The following TMEM38B variants were observed in gnomAD, a reference collection of about 807,000 sequenced individuals.
The protein encoded by TMEM38B is trimeric intracellular cation channel type B.
Under a neutral mutation model 28.7 loss-of-function variants are expected in TMEM38B, and 24 were observed. That is an observed-to-expected ratio of 0.84 (90% CI 0.61 to 1.18). The LOEUF (loss-of-function observed/expected upper bound fraction) is 1.18, where lower values mean the gene tolerates loss of function less well. Among genes scored for constraint, TMEM38B ranks in the 50% most tolerant of loss-of-function variants. The pLI, the probability that TMEM38B is intolerant of heterozygous loss-of-function variation, is 0.00. For synonymous variants in TMEM38B, 131 were observed against 127.7 expected (o/e 1.03, Z -0.17); for missense variants, 380 against 350.9 (o/e 1.08, Z -0.66).
At chr9:105,740,783 T>A (rs1360306716) in intron 4 of TMEM38B, among the ~76,000 whole-genome samples, 1 of 152,132 alleles carries the variant, frequency 6.6e-6, no homozygotes, top group East Asian at 1.9e-4. Context: ...GTGGAAAATT[T>A]GGGGAAATGT....
At chr9:105,765,775 T>C (rs7024278) in intron 5 of TMEM38B, among the ~76,000 whole-genome samples, 31,726 of 151,946 alleles carry the variant, frequency 0.21, 5,135 homozygotes, top group East Asian at 0.46. Flanking sequence ...CATATATGTC[T>C]GTACACAGAC....
In TMEM38B at chr9:105,694,565, CG is replaced by C. The variant is rs1352996412; in HGVS notation, c.-93del. 4.7e-6 allele frequency: 4 copies of C among 844,266 alleles called. No homozygotes were observed. The highest frequency in any genetic ancestry group is 7.2e-6 in the Non-Finnish European group (4 of 557,326). The allele number at this position is 844,266 out of a possible 1,614,324, so 52.3% of individuals were successfully genotyped here. On this transcript the variant is annotated 5_prime_UTR_variant, in exon 1 of 6. Transcript: ENST00000374692. ...CGGAGCTGGAGCCGGCGCGGAGGAG[CG>C]GGCGGCCGCGGCTGTGCCCTCTCCT...
chr9:105,747,704 G>A (rs941313224), intron 4 of TMEM38B, among the ~76,000 whole-genome samples: 4 of 151,778 alleles, frequency 2.6e-5, no homozygotes, highest in Non-Finnish European at 5.9e-5. Context: ...GCTTTCTCTT[G>A]TGGGCACCTA....
chr9:105,694,681 G>A lies in TMEM38B; in HGVS notation c.21G>A (p.Glu7=). 6.2e-7 allele frequency: 1 copy of A among 1,613,966 alleles called. No homozygotes were observed. Among genetic ancestry groups the A allele is most frequent in the Non-Finnish European group, 8.5e-7 (1 of 1,179,862 alleles). ...TCGTTATGGATTCTCCATGGGACGA[G>A]TTGGCTCTGGCCTTCTCCCGCACGT... MDSPWD[E]LALAFSRTSM... is the part of the protein sequence containing the mutation. Residue 7 remains glutamate (E), a synonymous_variant, in exon 1 of 6, where the codon GAG becomes GAA. Transcript: ENST00000374692.
chr9:105,740,440 T>C (rs1271929630), intron 4 of TMEM38B, among the ~76,000 whole-genome samples: 1 of 151,910 alleles, frequency 6.6e-6, no homozygotes, highest in Admixed American at 6.6e-5. Context: ...CTAATTTTTG[T>C]GTTTTTTGTA....
At chr9:105,770,094 A>G (rs780270049) in intron 5 of TMEM38B, among the ~76,000 whole-genome samples, 1 of 152,074 alleles carries the variant, frequency 6.6e-6, no homozygotes, top group Admixed American at 6.6e-5. Flanking sequence ...GGTGTAATGT[A>G]TACATTTTAT....
In TMEM38B at chr9:105,759,754, C is replaced by G. The variant is rs1327312892; in HGVS notation, c.660+11564C>G. On this transcript the variant is annotated intron_variant, in intron 5 of 5. Coordinates refer to ENST00000374692, the MANE Select transcript of TMEM38B (RefSeq NM_018112.3). ...AGAGGAAAATATTCAAAAGCCATTC[C>G]GTGCTGGTTTTAAGAGAACCACTAC... The G allele has an allele frequency of 1.9e-6, 3 of 1,607,292 alleles. No individual in the cohort carries two copies. The South Asian group carries it at 3.3e-5, about 18-fold the overall frequency.
At chr9:105,695,130 G>A (rs1312337595) in intron 1 of TMEM38B, among the ~76,000 whole-genome samples, 1 of 145,646 alleles carries the variant, frequency 6.9e-6, no homozygotes, top group Non-Finnish European at 1.5e-5. Flanking sequence ...CCAGCCCAGG[G>A]CTTGGGCGGC....
Position 105,694,648 on chromosome 9 carries a change from G to A in TMEM38B, c.-13G>A. On this transcript the variant is annotated 5_prime_UTR_variant, in exon 1 of 6. Coordinates refer to ENST00000374692, the MANE Select transcript of TMEM38B (RefSeq NM_018112.3). ...AGCCGCGGCTGCTTCGGTTGCCGCG[G>A]TCGGTGGTCGTTATGGATTCTCCAT... 4 of 1,610,198 alleles carry A rather than the reference G, an allele frequency of 2.5e-6. No individual in the cohort carries two copies. The highest frequency in any genetic ancestry group is 3.4e-6 in the Non-Finnish European group (4 of 1,176,804).
At chr9:105,724,014 T>C (rs1440088596) in intron 4 of TMEM38B, among the ~76,000 whole-genome samples, 1 of 151,998 alleles carries the variant, frequency 6.6e-6, no homozygotes, top group Non-Finnish European at 1.5e-5. Context: ...TTTTGTATTT[T>C]TAGTTGAGAT....
intron 1 of TMEM38B, among the ~76,000 whole-genome samples, chr9:105,704,185 A>G (rs1485204891): frequency 6.6e-6 from 1 of 152,058 alleles, no homozygotes; most frequent in African/African-American, 2.4e-5. Context: ...ATACATATGT[A>G]ACTAACCTGC....
chr9:105,742,506 G>A (rs765726446), intron 4 of TMEM38B, among the ~76,000 whole-genome samples: 6 of 152,196 alleles, frequency 3.9e-5, no homozygotes, highest in Non-Finnish European at 5.9e-5. Context: ...TTTGGAAGCA[G>A]ATAACTTGTT....
intron 5 of TMEM38B, chr9:105,758,825 A>G: frequency 2.2e-6 from 2 of 918,786 alleles, no homozygotes; most frequent in Non-Finnish European, 3.6e-6. Context: ...AGCATGAAAT[A>G]ATCAATGAAG....
intron 2 of TMEM38B, among the ~76,000 whole-genome samples, chr9:105,714,749 G>C (rs139488323): frequency 1.3e-4 from 20 of 152,216 alleles, no homozygotes; most frequent in Admixed American, 1.0e-3. Context: ...CTTTCTACCT[G>C]GTGTTGTAAG....
At chr9:105,765,399 G>T (rs1300776633) in intron 5 of TMEM38B, among the ~76,000 whole-genome samples, 2 of 152,166 alleles carry the variant, frequency 1.3e-5, no homozygotes, top group African/African-American at 4.8e-5. Flanking sequence ...AGTACATTTT[G>T]ATGAGTTTTG....
chr9:105,710,363 C>T (rs1186217598), intron 2 of TMEM38B: 1 of 760,202 alleles, frequency 1.3e-6, no homozygotes, highest in Non-Finnish European at 2.3e-6. Flanking sequence ...ATATGATCTT[C>T]TATAGTTGTT....
chr9:105,722,450 C>G, intron 3 of TMEM38B, 84 bp from the exon 4 acceptor site: 1 of 1,063,602 alleles, frequency 9.4e-7, no homozygotes, highest in South Asian at 1.3e-5. Flanking sequence ...AATGTATTAT[C>G]AGGTGATAGA....
intron 1 of TMEM38B, among the ~76,000 whole-genome samples, chr9:105,696,249 T>G (rs1165725887): frequency 6.6e-6 from 1 of 152,188 alleles, no homozygotes; most frequent in African/African-American, 2.4e-5. Flanking sequence ...TGTTTTTTGT[T>G]TTGGAAAAGT....
intron 2 of TMEM38B, chr9:105,710,772 A>T (rs548336613): frequency 2.1e-4 from 114 of 536,748 alleles, no homozygotes; most frequent in Middle Eastern, 1.1e-3. Context: ...GACGGCAGGT[A>T]GCGGGACATG....
Sources: allele counts gnomAD v4.1 joint callset (sites outside exome capture counted in the v4.1 genomes callset), GRCh38; gene constraint gnomAD v4.1.1; transcripts MANE v1.5; gene names NCBI Gene and HGNC (gene_info 2026-07-23, HGNC 2026-07-21).